MERTK: variants seen among roughly 807,000 people sequenced by gnomAD.
The protein encoded by MERTK is MER proto-oncogene, tyrosine kinase, also known as tyrosine-protein kinase Mer.
In MERTK, 69 loss-of-function variants were observed where a neutral mutation model predicts 99.3. The observed-to-expected ratio is 0.70, with a 90% CI of 0.57 to 0.85. The LOEUF is 0.85. MERTK is among the 40% of genes least tolerant of loss of function. MERTK has a pLI of 0.00. For synonymous variants in MERTK, 426 were observed against 467.6 expected (o/e 0.91, Z 1.15); for missense variants, 1,125 against 1,249.4 (o/e 0.90, Z 1.50).
intron 1 of MERTK, among the ~76,000 whole-genome samples, chr2:111,910,866 G>T (rs1684234440): frequency 6.6e-6 from 1 of 152,114 alleles, no homozygotes; most frequent in Non-Finnish European, 1.5e-5. Flanking sequence ...GATAGGAAGA[G>T]ATTTGTTAAA....
At chr2:111,918,975 G>A (rs1358433658) in intron 1 of MERTK, among the ~76,000 whole-genome samples, 1 of 152,152 alleles carries the variant, frequency 6.6e-6, no homozygotes, top group Non-Finnish European at 1.5e-5. Context: ...GTCTTGGGGA[G>A]AATCAACCCC....
intron 2 of MERTK, among the ~76,000 whole-genome samples, chr2:111,931,851 C>T (rs1684678112): frequency 6.6e-6 from 1 of 152,196 alleles, no homozygotes; most frequent in South Asian, 2.1e-4. Flanking sequence ...GCTGCCTCAT[C>T]TTCCCTGGTC....
intron 7 of MERTK, among the ~76,000 whole-genome samples, chr2:111,976,315 C>G (rs1215872287): frequency 6.6e-6 from 1 of 152,102 alleles, no homozygotes; most frequent in Non-Finnish European, 1.5e-5. Context: ...TGGGTCAGGA[C>G]CCCCTTTGTA....
chr2:112,001,148 TGCC>T, intron 10 of MERTK, 50 bp from the exon 11 acceptor site: 1 of 1,391,024 alleles, frequency 7.2e-7, no homozygotes, highest in Non-Finnish European at 1.0e-6. Context: ...AATCAGTGCC[TGCC>T]CCAGTAGCCC....
At chr2:111,993,950 G>C (rs1676682815) in intron 8 of MERTK, among the ~76,000 whole-genome samples, 1 of 152,210 alleles carries the variant, frequency 6.6e-6, no homozygotes, top group Admixed American at 6.5e-5. Flanking sequence ...GGCTTGCTCT[G>C]CCGTCCGGGT....
intron 8 of MERTK, among the ~76,000 whole-genome samples, chr2:111,989,374 T>TTC (rs1292933490): frequency 6.6e-6 from 1 of 151,574 alleles, no homozygotes; most frequent in Non-Finnish European, 1.5e-5. Flanking sequence ...TTTTTTTTTT[T>TTC]CAGACAGAGT....
At chr2:111,937,401 A>G (rs1379076222) in intron 2 of MERTK, among the ~76,000 whole-genome samples, 1 of 152,178 alleles carries the variant, frequency 6.6e-6, no homozygotes, top group Non-Finnish European at 1.5e-5. Context: ...GCAGTGAGCC[A>G]TGATCCACTC....
intron 1 of MERTK, among the ~76,000 whole-genome samples, chr2:111,928,083 C>T (rs1203937844): frequency 1.3e-5 from 2 of 152,174 alleles, no homozygotes; most frequent in Admixed American, 6.5e-5. Flanking sequence ...GAAATAAAAA[C>T]ATTTCCAGGT....
intron 1 of MERTK, among the ~76,000 whole-genome samples, chr2:111,924,236 T>C (rs1684514681): frequency 6.6e-6 from 1 of 152,212 alleles, no homozygotes; most frequent in Non-Finnish European, 1.5e-5. Context: ...CTTACTGTGA[T>C]CCAGACAGTA....
intron 1 of MERTK, among the ~76,000 whole-genome samples, chr2:111,927,927 G>A (rs1684597923): frequency 6.6e-6 from 1 of 151,994 alleles, no homozygotes; most frequent in Non-Finnish European, 1.5e-5. Context: ...TCACCCACCT[G>A]TCTCACTCAC....
chr2:112,003,737 C>T lies in MERTK; in HGVS notation c.1787-167C>T, dbSNP rs564477450. ...TGACAAGCAGGAGACTAGAGCGTGG[C>T]GCATCACCCTGGTTTGCGATGTGGG... is the stretch of plus-strand genomic sequence containing the variant. On this transcript the variant is annotated intron_variant, in intron 12 of 18. Coordinates refer to ENST00000295408, the MANE Select transcript of MERTK (RefSeq NM_006343.3). Among the ~76,000 whole-genome samples, 14 of 152,308 alleles carry T rather than the reference C, an allele frequency of 9.2e-5. No individual in the cohort carries two copies. In the South Asian group the frequency reaches 2.3e-3, roughly 25 times the overall value.
intron 14 of MERTK, among the ~76,000 whole-genome samples, chr2:112,009,591 T>C (rs1259784136): frequency 2.6e-5 from 4 of 152,206 alleles, no homozygotes; most frequent in Admixed American, 2.0e-4. Flanking sequence ...TCATAGCCAC[T>C]GGGGACATTG....
chr2:111,993,053 A>G (rs1676661764), intron 8 of MERTK, among the ~76,000 whole-genome samples: 1 of 152,126 alleles, frequency 6.6e-6, no homozygotes, highest in African/African-American at 2.4e-5. Flanking sequence ...CTGCTGTGGA[A>G]TTGACTGATT....
chr2:112,018,250 C>T (rs970224029), intron 15 of MERTK, among the ~76,000 whole-genome samples: 4 of 152,110 alleles, frequency 2.6e-5, no homozygotes, highest in Admixed American at 2.0e-4. Context: ...GTCACAGTCT[C>T]CAGGAATAAC....
chr2:112,012,329 G>C lies in MERTK; in HGVS notation c.2079+2263G>C, dbSNP rs1000616820. Among the ~76,000 whole-genome samples the C allele has an allele frequency of 9.6e-4, 122 of 127,698 alleles. 1 individual carries two copies. The highest frequency in any genetic ancestry group is 3.4e-3 in the African/African-American group (116 of 33,800). The allele number at this position is 127,698 out of a possible 152,430, so 83.8% of individuals were successfully genotyped here. On this transcript the variant is annotated intron_variant, in intron 15 of 18. Coordinates refer to ENST00000295408, the MANE Select transcript of MERTK (RefSeq NM_006343.3). Reference sequence around the variant, plus strand: ...CCCCACCCCCACACCCAGTCATTGAGCATCTTCATGTCAGGGAAGCCACAT... The same window carrying C: ...CCCCACCCCCACACCCAGTCATTGACCATCTTCATGTCAGGGAAGCCACAT...
At position 111,985,010 on chromosome 2, in the gene MERTK, A is replaced by G. The variant is rs1035141037; in HGVS notation, c.1296+2017A>G. On this transcript the variant is annotated intron_variant, in intron 8 of 18. Coordinates refer to ENST00000295408, the MANE Select transcript of MERTK (RefSeq NM_006343.3). ...CCTTATAATCAATCTAAAGCTGGCA[A>G]GATCCTTTAGATTTTTGCTAAAGCT... is the stretch of plus-strand genomic sequence containing the variant. Among the ~76,000 whole-genome samples, 4 of 152,204 alleles carry G rather than the reference A, an allele frequency of 2.6e-5. No individual in the cohort carries two copies. In the South Asian group the frequency reaches 8.3e-4, roughly 32 times the overall value.
At chr2:112,018,063 G>T (rs573122081) in intron 15 of MERTK, among the ~76,000 whole-genome samples, 39 of 152,208 alleles carry the variant, frequency 2.6e-4, no homozygotes, top group African/African-American at 9.2e-4. Context: ...TATTAAAACA[G>T]CTCCTACACA....
intron 1 of MERTK, among the ~76,000 whole-genome samples, chr2:111,905,921 G>A (rs1272982249): frequency 9.2e-5 from 14 of 152,232 alleles, no homozygotes; most frequent in Non-Finnish European, 7.3e-5. Context: ...GAGAAAGAGA[G>A]AACAGATGTT....
chr2:112,000,790 C>T (rs780657463), intron 10 of MERTK, among the ~76,000 whole-genome samples: 232 of 152,304 alleles, frequency 1.5e-3, no homozygotes, highest in Non-Finnish European at 1.3e-3. Context: ...TAACTCCCTC[C>T]ACCCCTTACT....
Sources: allele counts gnomAD v4.1 joint callset (sites outside exome capture counted in the v4.1 genomes callset), GRCh38; gene constraint gnomAD v4.1.1; transcripts MANE v1.5; gene names NCBI Gene and HGNC (gene_info 2026-07-23, HGNC 2026-07-21).